The following PPIG variants were observed in gnomAD, a reference collection of about 807,000 sequenced individuals.
The protein encoded by PPIG is peptidyl-prolyl cis-trans isomerase G.
PPIG carries 26 observed loss-of-function variants against 87.9 expected under a neutral mutation model. That is an observed-to-expected ratio of 0.30 (90% confidence interval 0.22 to 0.41). The LOEUF is 0.41. Among genes scored for constraint, PPIG ranks in the 10% least tolerant of loss-of-function variants. PPIG has a pLI of 1.00. For synonymous variants in PPIG, 308 were observed against 276.5 expected, an observed-to-expected ratio of 1.11 and a Z score of -1.13; for missense variants, 722 against 879.4, an observed-to-expected ratio of 0.82 and a Z score of 2.26.
chr2:169,602,475 C>A (rs1685212274), intron 1 of PPIG, among the ~76,000 whole-genome samples: 1 of 152,108 alleles, frequency 6.6e-6, no homozygotes, highest in Non-Finnish European at 1.5e-5. Context: ...GCCACCACAG[C>A]CGGCTAATTT....
At chr2:169,622,446 A>T (rs1236083648) in intron 9 of PPIG, among the ~76,000 whole-genome samples, 3 of 152,352 alleles carry the variant, frequency 2.0e-5, no homozygotes, top group Non-Finnish European at 2.9e-5. Flanking sequence ...TCATCTGAAG[A>T]AATAAATGAT....
At chr2:169,627,880 A>G (rs140106551) in intron 9 of PPIG, among the ~76,000 whole-genome samples, 10 of 151,990 alleles carry the variant, frequency 6.6e-5, no homozygotes, top group Middle Eastern at 6.8e-3. Context: ...TAACAAGTAT[A>G]TTTTATGTTT....
At chr2:169,601,123 CAGT>C (rs1453357861) in intron 1 of PPIG, among the ~76,000 whole-genome samples, 3 of 152,106 alleles carry the variant, frequency 2.0e-5, no homozygotes, top group African/African-American at 4.8e-5. Context: ...TTGAACTAAA[CAGT>C]AGGTTTCTTG....
At chr2:169,616,670 C>T (rs1685616642) in intron 9 of PPIG, among the ~76,000 whole-genome samples, 1 of 152,042 alleles carries the variant, frequency 6.6e-6, no homozygotes, top group Non-Finnish European at 1.5e-5. Context: ...TGTTCGTATC[C>T]TTTGCCCGCT....
At chr2:169,585,658 TTTTAA>T (rs1348569177) in intron 1 of PPIG, among the ~76,000 whole-genome samples, 5 of 152,184 alleles carry the variant, frequency 3.3e-5, no homozygotes, top group Non-Finnish European at 5.9e-5. Context: ...TGTGCATTGA[TTTTAA>T]TTTCTTTCCA....
At chr2:169,597,181 T>C (rs1685043038) in intron 1 of PPIG, among the ~76,000 whole-genome samples, 1 of 152,166 alleles carries the variant, frequency 6.6e-6, no homozygotes, top group Non-Finnish European at 1.5e-5. Flanking sequence ...ATAGATAATA[T>C]ATTCATGTGG....
Position 169,637,233 on chromosome 2 carries a change from G to A in PPIG, c.1975G>A (p.Glu659Lys), listed in dbSNP as rs1325966437. 1.9e-6 allele frequency: 3 copies of A among 1,613,324 alleles called. No homozygotes were observed. The highest frequency in any genetic ancestry group is 4.5e-5 in the East Asian group (2 of 44,868). The change falls in exon 14 of 14, where the codon GAG becomes AAG. Residue 659 changes from glutamate (E) to lysine (K), a missense_variant. Physicochemically the swap from Glu to Lys is moderately conservative, Grantham distance 56. Around this residue, in one of 4 missense-constraint regions of PPIG, gnomAD observed 476 missense variants for 483.1 expected, o/e 0.99. Transcript: ENST00000260970. ...SKSSHRKENS[E>K]SEKRMYSKSR... Reference sequence around the variant, plus strand: ...GAGCTCACACAGAAAAGAAAATTCTGAGAGTGAGAAAAGAATGTACTCTAA... The same window carrying A: ...GAGCTCACACAGAAAAGAAAATTCTAAGAGTGAGAAAAGAATGTACTCTAA...
chr2:169,628,105 G>T (rs1685941750), intron 9 of PPIG, among the ~76,000 whole-genome samples: 1 of 152,094 alleles, frequency 6.6e-6, no homozygotes, highest in South Asian at 2.1e-4. Flanking sequence ...CAGGTTAACA[G>T]TTGGGCTCGT....
chr2:169,586,077 T>C (rs2592798), intron 1 of PPIG, among the ~76,000 whole-genome samples: 115,502 of 152,044 alleles, frequency 0.76, 44,097 homozygotes, highest in East Asian at 0.95. Context: ...CTTTTTTTTA[T>C]GTTAACGAGT....
At chr2:169,619,695 A>G (rs1427131880) in intron 9 of PPIG, among the ~76,000 whole-genome samples, 1 of 151,642 alleles carries the variant, frequency 6.6e-6, no homozygotes, top group East Asian at 1.9e-4. Flanking sequence ...ACCGATTTAC[A>G]TTCCCACCAA....
In PPIG at chr2:169,633,150, T is replaced by C; in HGVS notation, c.930-10T>C. ...AAAAATGTGTTAACTTTCTGTTTGC[T>C]TCCTTCTAGTAATCCACCTAACTCC... On this transcript the variant is annotated splice_polypyrimidine_tract_variant and intron_variant, in intron 11 of 13. Transcript: ENST00000260970. 1 of 1,581,108 alleles carries C rather than the reference T, an allele frequency of 6.3e-7. No individual in the cohort carries two copies. Among genetic ancestry groups the C allele is most frequent in the East Asian group, 2.2e-5 (1 of 44,610 alleles).
At chr2:169,599,505 C>G (rs1319448837) in intron 1 of PPIG, among the ~76,000 whole-genome samples, 2 of 151,908 alleles carry the variant, frequency 1.3e-5, no homozygotes, top group African/African-American at 2.4e-5. Flanking sequence ...AAATGGTTGC[C>G]TTTACAGATA....
At chr2:169,625,006 C>A (rs921214020) in intron 9 of PPIG, among the ~76,000 whole-genome samples, 1 of 152,040 alleles carries the variant, frequency 6.6e-6, no homozygotes, top group Non-Finnish European at 1.5e-5. Context: ...TGGTATACAG[C>A]GTGATGTTAT....
intron 1 of PPIG, among the ~76,000 whole-genome samples, chr2:169,586,563 T>G (rs1425652838): frequency 1.3e-5 from 2 of 152,194 alleles, no homozygotes; most frequent in Non-Finnish European, 2.9e-5. Context: ...CTGTGGTGCT[T>G]ATTATTGTGG....
chr2:169,621,510 G>T (rs565692170), intron 9 of PPIG, among the ~76,000 whole-genome samples: 1 of 152,090 alleles, frequency 6.6e-6, no homozygotes, highest in South Asian at 2.1e-4. Context: ...TAAAAAACAA[G>T]ATGTTGAGAA....
intron 2 of PPIG, 95 bp downstream of exon 2, chr2:169,603,789 A>C (rs1574444266): frequency 4.1e-6 from 2 of 489,370 alleles, no homozygotes; most frequent in East Asian, 7.0e-5. Flanking sequence ...TAGAAAGTTG[A>C]TTACATAATA....
chr2:169,588,419 C>G (rs1287553428), intron 1 of PPIG, among the ~76,000 whole-genome samples: 1 of 152,058 alleles, frequency 6.6e-6, no homozygotes, highest in African/African-American at 2.4e-5. Flanking sequence ...TTGCTTTTTT[C>G]CATTTGTGAG....
chr2:169,601,340 T>C (rs1685179096), intron 1 of PPIG, among the ~76,000 whole-genome samples: 1 of 152,250 alleles, frequency 6.6e-6, no homozygotes, highest in Admixed American at 6.5e-5. Context: ...TGCCAAGCAC[T>C]GTTTGAGCAG....
chr2:169,605,191 A>G (rs1685289678), intron 4 of PPIG, among the ~76,000 whole-genome samples: 1 of 152,070 alleles, frequency 6.6e-6, no homozygotes, highest in African/African-American at 2.4e-5. Context: ...AAAATTAGCC[A>G]GGCGTGGTAG....
Sources: allele counts gnomAD v4.1 joint callset (sites outside exome capture counted in the v4.1 genomes callset), GRCh38; gene constraint gnomAD v4.1.1; regional missense constraint gnomAD v4.1.1; transcripts MANE v1.5; gene names NCBI Gene and HGNC (gene_info 2026-07-23, HGNC 2026-07-21).